The following HSPA4L variants were observed in gnomAD, a reference collection of about 807,000 sequenced individuals.
HSPA4L encodes heat shock protein family A (Hsp70) member 4 like.
HSPA4L carries 48 observed loss-of-function variants against 100.3 expected under a neutral mutation model. The ratio of observed to expected loss-of-function variants is 0.48; its 90% confidence interval spans 0.38 to 0.61. The LOEUF (loss-of-function observed/expected upper bound fraction) is 0.61. Among genes scored for constraint, HSPA4L ranks in the 20% least tolerant of loss-of-function variants. HSPA4L has a pLI of 0.00. For synonymous variants in HSPA4L, 319 were observed against 328.2 expected (o/e 0.97, Z 0.30); for missense variants, 886 against 988.6 (o/e 0.90, Z 1.39).
chr4:127,830,072 TTC>T (rs1734041144), intron 17 of HSPA4L, among the ~76,000 whole-genome samples: 2 of 152,234 alleles, frequency 1.3e-5, no homozygotes, highest in East Asian at 3.9e-4. Flanking sequence ...TGTTCTTACA[TTC>T]TCTTTCCCTT....
Position 127,832,971 on chromosome 4 carries a change from A to C in HSPA4L, c.*97A>C. On this transcript the variant is annotated 3_prime_UTR_variant, in exon 19 of 19. Transcript: ENST00000296464. ...ACACAACAGACGCTCAGTTGTTCTT[A>C]ACCACTTTTGTCATTTGTTTTTTGG... 1.2e-6 allele frequency: 1 copy of C among 863,036 alleles called. No individual in the cohort carries two copies. Among genetic ancestry groups the C allele is most frequent in the Non-Finnish European group, 1.7e-6 (1 of 589,750 alleles). The allele number at this position is 863,036 out of a possible 1,614,324, so 53.5% of individuals were successfully genotyped here. A position where few individuals can be genotyped will look rare whatever the true frequency, so the allele number is the denominator to read the frequency against.
chr4:127,796,009 A>C (rs1186615293), intron 3 of HSPA4L, 101 bp downstream of exon 3: 3 of 1,073,900 alleles, frequency 2.8e-6, no homozygotes, highest in African/African-American at 1.6e-5. Flanking sequence ...CTCTAGATAC[A>C]GTACATACAC....
chr4:127,810,628 A>G (rs1199276451), intron 11 of HSPA4L, among the ~76,000 whole-genome samples: 3 of 152,050 alleles, frequency 2.0e-5, no homozygotes, highest in Non-Finnish European at 2.9e-5. Flanking sequence ...ACATGGTACC[A>G]TGCACCTGTA....
chr4:127,818,303 C>A (rs924961438), intron 12 of HSPA4L, 22 bp from the exon 13 acceptor site: 9 of 1,520,378 alleles, frequency 5.9e-6, no homozygotes, highest in Non-Finnish European at 8.2e-6. Flanking sequence ...CGTATATTAT[C>A]AATTATGTAT....
intron 17 of HSPA4L, among the ~76,000 whole-genome samples, chr4:127,828,608 A>G (rs542863317): frequency 1.6e-4 from 24 of 152,248 alleles, no homozygotes; most frequent in African/African-American, 5.8e-4. Context: ...TTTAGAAATA[A>G]GAGATTTTTT....
In HSPA4L at chr4:127,827,351, G is replaced by A. The variant is rs1321225893; in HGVS notation, c.2093G>A (p.Arg698Lys). Residue 698 changes from arginine to lysine, a missense_variant, in exon 17 of 19, where the codon AGA (arginine) becomes AAA (lysine). By Grantham distance (26) the Arg-to-Lys change is conservative (BLOSUM62 2). Transcript: ENST00000296464. ...IQMKYMEHEERPKALNDLGKK... is the reference protein window; with the variant it reads ...IQMKYMEHEEKPKALNDLGKK... ...ATGAAGTACATGGAGCATGAAGAGA[G>A]ACCAAAAGCCTTAAATGACTTGGGA... The A allele has an allele frequency of 1.9e-6, 3 of 1,613,502 alleles. No individual in the cohort carries two copies. The highest frequency in any genetic ancestry group is 1.7e-6 in the Non-Finnish European group (2 of 1,179,672).
chr4:127,796,443 T>C lies in HSPA4L; in HGVS notation c.306+535T>C, dbSNP rs563084327. ...ATAACACATGGAACTACTTACTATA[T>C]GGCCCCGAAATTCCACTCCTGGGCT... On this transcript the variant is annotated intron_variant, in intron 3 of 18. Transcript: ENST00000296464. Among the ~76,000 whole-genome samples the C allele has an allele frequency of 1.5e-4, 23 of 152,250 alleles. 1 individual carries two copies. In the South Asian group the frequency reaches 4.6e-3, roughly 30 times the overall value.
Position 127,805,989 on chromosome 4 carries a change from A to G in HSPA4L, c.1244+196A>G, listed in dbSNP as rs542465014. Among the ~76,000 whole-genome samples the G allele has an allele frequency of 5.9e-5, 9 of 152,162 alleles. No homozygotes were observed. The South Asian group carries it at 1.9e-3, about 31-fold the overall frequency. On this transcript the variant is annotated intron_variant, in intron 10 of 18. Transcript: ENST00000296464. ...TATTTTTAAATTTATGTTTTTTATA[A>G]AAGTAAAACAAGGCTCATTTTCAAA...
intron 10 of HSPA4L, among the ~76,000 whole-genome samples, chr4:127,807,623 TC>T (rs1332476090): frequency 4.6e-5 from 7 of 152,116 alleles, no homozygotes; most frequent in African/African-American, 1.4e-4. Flanking sequence ...AACAAAAGTT[TC>T]TATTAAAGGT....
At chr4:127,798,443 A>G (rs542357667) in intron 3 of HSPA4L, 144 bp from the exon 4 acceptor site, 1 of 721,502 alleles carries the variant, frequency 1.4e-6, no homozygotes, top group South Asian at 2.0e-5. Context: ...TGATTCTAAA[A>G]TGACAATCTT....
chr4:127,791,727 C>A (rs767861194), intron 1 of HSPA4L, among the ~76,000 whole-genome samples: 4 of 152,178 alleles, frequency 2.6e-5, no homozygotes, highest in Non-Finnish European at 5.9e-5. Context: ...AACTCTCTAC[C>A]ACTTTTATCC....
Position 127,830,918 on chromosome 4 carries a change from T to G in HSPA4L, c.2328+119T>G, listed in dbSNP as rs143611298. 1.5e-3 allele frequency: 908 copies of G among 622,208 alleles called. 8 individuals carry two copies. The East Asian group carries it at 0.027, about 18-fold the overall frequency. The allele number at this position is 622,208 out of a possible 1,614,324, so 38.5% of individuals were successfully genotyped here. ...ACTTAGAACAGAAATTTAAGACTAA[T>G]TTTTTATTTAGTTAAAAAATTTTAA... is the stretch of plus-strand genomic sequence containing the variant. On this transcript the variant is annotated intron_variant, in intron 18 of 18. Transcript: ENST00000296464.
chr4:127,805,012 C>T (rs1283157347), intron 8 of HSPA4L, 61 bp from the exon 9 acceptor site: 11 of 1,143,302 alleles, frequency 9.6e-6, no homozygotes, highest in African/African-American at 3.1e-5. Context: ...AAGTACTCGA[C>T]AAAGCCTTCT....
chr4:127,829,972 T>A (rs1734038568), intron 17 of HSPA4L, among the ~76,000 whole-genome samples: 1 of 151,362 alleles, frequency 6.6e-6, no homozygotes, highest in Non-Finnish European at 1.5e-5. Flanking sequence ...GGGTTTTCCA[T>A]TTGTTTGTTT....
chr4:127,790,196 C>T (rs142580885), intron 1 of HSPA4L, among the ~76,000 whole-genome samples: 1 of 152,176 alleles, frequency 6.6e-6, no homozygotes, highest in Admixed American at 6.5e-5. Flanking sequence ...CTCTACTGTT[C>T]TAACAAAAAT....
At chr4:127,783,948 T>C (rs1323672034) in intron 1 of HSPA4L, among the ~76,000 whole-genome samples, 1 of 152,242 alleles carries the variant, frequency 6.6e-6, no homozygotes, top group Admixed American at 6.5e-5. Flanking sequence ...GTTTTGGACG[T>C]TTATATTTTC....
Position 127,794,146 on chromosome 4 carries a change from A to T in HSPA4L, c.165+12A>T. ...CAGCAAAGAGCCAGGTAAATTGTTA[A>T]TGTGGATGTTTTGACTTACAGGAAG... On this transcript the variant is annotated intron_variant, in intron 2 of 18. Transcript: ENST00000296464. The T allele has an allele frequency of 6.2e-7, 1 of 1,605,798 alleles. No homozygotes were observed. The highest frequency in any genetic ancestry group is 8.5e-7 in the Non-Finnish European group (1 of 1,173,624).
rs1279087184 is a variant in HSPA4L at position 127,836,791 on chromosome 4, T to C, written c.*3917T>C. ...ATAAATTTGACAAATAATAAGCCTC[T>C]CCCATTAGGATTTTCTGTTTTATAG... On this transcript the variant is annotated 3_prime_UTR_variant, in exon 19 of 19. Transcript: ENST00000296464. The C allele has an allele frequency of 9.9e-5, 15 of 152,172 alleles. No homozygotes were observed. Among genetic ancestry groups the C allele is most frequent in the Admixed American group, 9.2e-4 (14 of 15,274 alleles). 9.4% of individuals were successfully genotyped at this position (152,172 alleles called of 1,614,324 possible). A position where few individuals can be genotyped will look rare whatever the true frequency, so the allele number is the denominator to read the frequency against.
In HSPA4L at chr4:127,830,728, A is replaced by T; in HGVS notation, c.2257A>T (p.Asn753Tyr). 6.2e-7 allele frequency: 1 copy of T among 1,610,924 alleles called. No individual in the cohort carries two copies. The highest frequency in any genetic ancestry group is 8.5e-7 in the Non-Finnish European group (1 of 1,178,640). ...DAMSWLNSKM[N>Y]AQNKLSLTQD... ...CATGAGTTGGCTGAATAGTAAGATGAATGCACAGAACAAACTAAGTCTCAC... is the reference window on the plus strand; with the variant it reads ...CATGAGTTGGCTGAATAGTAAGATGTATGCACAGAACAAACTAAGTCTCAC... The change falls in exon 18 of 19, where the codon AAT (asparagine) becomes TAT (tyrosine). Residue 753 changes from asparagine (N) to tyrosine (Y), a missense_variant. Asn to Tyr is a moderately radical substitution (Grantham distance 143). Transcript: ENST00000296464.
Sources: allele counts gnomAD v4.1 joint callset (sites outside exome capture counted in the v4.1 genomes callset), GRCh38; gene constraint gnomAD v4.1.1; transcripts MANE v1.5; gene names NCBI Gene and HGNC (gene_info 2026-07-23, HGNC 2026-07-21).